SMARCA2: variants seen among roughly 807,000 people sequenced by gnomAD.
The protein encoded by SMARCA2 is SWI/SNF-related matrix-associated actin-dependent regulator of chromatin subfamily A member 2.
Under a neutral mutation model 199.8 loss-of-function variants are expected in SMARCA2, and 61 were observed. That is an observed-to-expected ratio of 0.31 (90% CI 0.25 to 0.38). The LOEUF (loss-of-function observed/expected upper bound fraction) is 0.38. Ranked by LOEUF, SMARCA2 falls within the 10% of genes least tolerant of loss-of-function variation. The pLI is 1.00. For synonymous variants in SMARCA2, 935 were observed against 732.0 expected (o/e 1.28, Z -4.48); for missense variants, 1,344 against 2,012.2 (o/e 0.67, Z 6.35).
At chr9:2,108,796 C>T (rs1488895446) in intron 23 of SMARCA2, among the ~76,000 whole-genome samples, 3 of 152,078 alleles carry the variant, frequency 2.0e-5, no homozygotes, top group Non-Finnish European at 2.9e-5. Context: ...AAAAAAGAGC[C>T]CCACATTTGA....
At position 2,086,790 on chromosome 9, in the gene SMARCA2, C is replaced by T. The variant is rs1446058980; in HGVS notation, c.2527-39C>T. Reference sequence around the variant, plus strand: ...CTTGTTGGAAATAGTTGTATTTTCCCTTGCTTACTACACGTCCGTCCTTCC... The same window carrying T: ...CTTGTTGGAAATAGTTGTATTTTCCTTTGCTTACTACACGTCCGTCCTTCC... On this transcript the variant is annotated intron_variant, in intron 17 of 33. Coordinates refer to ENST00000349721, the MANE Select transcript of SMARCA2 (RefSeq NM_003070.5). The surrounding 1 kb of genome is among the most constrained non-coding windows in gnomAD (Gnocchi z 4.3). 3 of 1,610,050 alleles carry T rather than the reference C, an allele frequency of 1.9e-6. No individual in the cohort carries two copies. In the East Asian group the frequency reaches 6.7e-5, roughly 36 times the overall value.
At chr9:2,028,944 C>A in intron 1 of SMARCA2, 43 bp from the exon 2 acceptor site, 1 of 1,452,984 alleles carries the variant, frequency 6.9e-7, no homozygotes, top group Non-Finnish European at 9.3e-7. Context: ...GTCTTAACAT[C>A]ATGTTTAAAA....
chr9:2,125,055 G>A (rs1823628535), intron 27 of SMARCA2, among the ~76,000 whole-genome samples: 1 of 152,154 alleles, frequency 6.6e-6, no homozygotes, highest in African/African-American at 2.4e-5. Flanking sequence ...GTAGGTAGAT[G>A]GGTAGAAAGG....
chr9:2,113,906 G>A (rs1823112823), intron 24 of SMARCA2, among the ~76,000 whole-genome samples: 2 of 152,180 alleles, frequency 1.3e-5, no homozygotes, highest in African/African-American at 4.8e-5. Context: ...GGTGAAGAAT[G>A]GTTTTCACTT....
intron 23 of SMARCA2, among the ~76,000 whole-genome samples, chr9:2,106,209 C>A (rs1469526115): frequency 6.6e-6 from 1 of 152,236 alleles, no homozygotes; most frequent in Non-Finnish European, 1.5e-5. Context: ...CAGGTTCTAA[C>A]TTGGATCTGT....
In SMARCA2 at chr9:2,044,634, T is replaced by A. The variant is rs890150201; in HGVS notation, c.791-2595T>A. 4 of 152,204 alleles carry A rather than the reference T, an allele frequency of 2.6e-5. No homozygotes were observed. In the East Asian group the frequency reaches 7.7e-4, roughly 29 times the overall value. 9.4% of individuals were successfully genotyped at this position (152,204 alleles called of 1,614,324 possible). A position where few individuals can be genotyped will look rare whatever the true frequency, so the allele number is the denominator to read the frequency against. Reference sequence around the variant, plus strand: ...GTGGCTATTGTTACTCTCCCCATTCTATAGATGAGGACACTGAGCCACAGA... The same window carrying A: ...GTGGCTATTGTTACTCTCCCCATTCAATAGATGAGGACACTGAGCCACAGA... On this transcript the variant is annotated intron_variant, in intron 4 of 33. Transcript: ENST00000349721.
intron 12 of SMARCA2, 134 bp downstream of exon 12, chr9:2,073,757 G>T (rs546128316): frequency 1.5e-6 from 1 of 664,580 alleles, no homozygotes; most frequent in Non-Finnish European, 2.6e-6. Flanking sequence ...GTGACAGCTG[G>T]GGCTAAGGAT....
intron 23 of SMARCA2, among the ~76,000 whole-genome samples, chr9:2,106,882 G>T (rs940648016): frequency 1.3e-5 from 2 of 152,200 alleles, no homozygotes; most frequent in Non-Finnish European, 2.9e-5. Context: ...CATCATGAAA[G>T]TCTGACAGTG....
At chr9:2,159,688 A>G (rs1387093100) in intron 27 of SMARCA2, 13 of 1,234,014 alleles carry the variant, frequency 1.1e-5, no homozygotes, top group South Asian at 1.4e-5. Context: ...CGGGCCTTGT[A>G]GTAGGTAGCA....
Position 2,038,101 on chromosome 9 carries a change from T to C in SMARCA2, c.356-1365T>C, listed in dbSNP as rs144772064. On this transcript the variant is annotated intron_variant, in intron 3 of 33. Coordinates refer to ENST00000349721, the MANE Select transcript of SMARCA2 (RefSeq NM_003070.5). ...ATCACAAGTGGTTCTAGAAGGTTTT[T>C]GAAACTTTCAAGTCCCTAACTTATT... 4.3e-4 allele frequency among the ~76,000 whole-genome samples: 65 copies of C among 152,344 alleles called. No homozygotes were observed. In the East Asian group the frequency reaches 0.011, roughly 27 times the overall value.
intron 21 of SMARCA2, among the ~76,000 whole-genome samples, chr9:2,098,872 G>A (rs541524462): frequency 5.3e-5 from 8 of 151,904 alleles, no homozygotes; most frequent in African/African-American, 1.7e-4. Context: ...GCTTGAACCC[G>A]GGAGGTGGAG....
intron 31 of SMARCA2, among the ~76,000 whole-genome samples, 166 bp downstream of exon 31, chr9:2,182,408 G>A (rs996756839): frequency 1.3e-5 from 2 of 150,736 alleles, no homozygotes; most frequent in African/African-American, 4.9e-5. Context: ...AGAGGCTTTG[G>A]CATCTGCAGA....
chr9:2,138,184 C>CAA (rs34160659), intron 27 of SMARCA2, among the ~76,000 whole-genome samples: 14 of 148,280 alleles, frequency 9.4e-5, no homozygotes, highest in East Asian at 2.0e-4. Context: ...ACAACAACAA[C>CAA]AAAAAAAAAA....
intron 27 of SMARCA2, among the ~76,000 whole-genome samples, chr9:2,136,327 A>G (rs1824195729): frequency 1.3e-5 from 2 of 151,646 alleles, no homozygotes; most frequent in South Asian, 2.1e-4. Flanking sequence ...AGCTGGGATT[A>G]CAGGCACGTG....
chr9:2,115,778 T>C lies in SMARCA2; in HGVS notation c.3457-44T>C, dbSNP rs540998087. 1.3e-6 allele frequency: 2 copies of C among 1,527,368 alleles called. No individual in the cohort carries two copies. Among genetic ancestry groups the C allele is most frequent in the Admixed American group, 3.4e-5 (2 of 58,232 alleles). 94.6% of individuals were successfully genotyped at this position (1,527,368 alleles called of 1,614,324 possible). On this transcript the variant is annotated intron_variant, in intron 24 of 33. Coordinates refer to ENST00000349721, the MANE Select transcript of SMARCA2 (RefSeq NM_003070.5). This position sits in a 1 kb window ranked among gnomAD's most constrained non-coding sequence, Gnocchi z 6.0. ...GGTGGGGTCCGGTTTTGGATGCCTA[T>C]GCCAGGCATCTCAGTCCTCATAGCA...
intron 28 of SMARCA2, among the ~76,000 whole-genome samples, chr9:2,164,794 GCTTA>G (rs1554639658): frequency 2.0e-5 from 3 of 151,858 alleles, no homozygotes; most frequent in Non-Finnish European, 2.9e-5. Flanking sequence ...TGTTTTATTT[GCTTA>G]CTTACTTTTC....
intron 22 of SMARCA2, among the ~76,000 whole-genome samples, chr9:2,103,661 T>TGTGTGAGA (rs1256201273): frequency 4.2e-5 from 6 of 142,338 alleles, no homozygotes; most frequent in African/African-American, 1.6e-4. Context: ...TGTGTGTGTG[T>TGTGTGAGA]GAGAGAGAGA....
intron 4 of SMARCA2, chr9:2,043,979 G>T (rs1819724417): frequency 6.6e-6 from 1 of 152,234 alleles, no homozygotes; most frequent in South Asian, 2.1e-4. Context: ...TAAAGAATGT[G>T]ATTTGTCTTC....
At chr9:2,036,425 C>G (rs1042996963) in intron 3 of SMARCA2, among the ~76,000 whole-genome samples, 1 of 152,146 alleles carries the variant, frequency 6.6e-6, no homozygotes, top group Non-Finnish European at 1.5e-5. Flanking sequence ...ACACTGTCAT[C>G]CTACAGACCA....
Sources: allele counts gnomAD v4.1 joint callset (sites outside exome capture counted in the v4.1 genomes callset), GRCh38; gene constraint gnomAD v4.1.1; non-coding constraint Gnocchi (gnomAD v3.1); transcripts MANE v1.5; gene names NCBI Gene and HGNC (gene_info 2026-07-23, HGNC 2026-07-21).